Variants in AKAP13 observed in about 807,000 individuals in gnomAD.
AKAP13 encodes A-kinase anchoring protein 13.
A neutral mutation model predicts 264.5 loss-of-function variants in AKAP13; 80 were observed. The observed-to-expected ratio is 0.30, with a 90% CI of 0.25 to 0.36. The LOEUF is 0.36. Among genes scored for constraint, AKAP13 ranks in the 10% least tolerant of loss-of-function variants. The pLI, the probability that AKAP13 is intolerant of heterozygous loss-of-function variation, is 1.00. For synonymous variants in AKAP13, 1,380 were observed against 1,250.2 expected (o/e 1.10, Z -2.19); for missense variants, 3,712 against 3,435.2 (o/e 1.08, Z -2.01).
Position 85,415,423 on chromosome 15 carries a change from C to T in AKAP13, c.-12+34625C>T, listed in dbSNP as rs2072194681. ...AGCACTTTGAAAACAACACAGTTTTCTTGTACCCTGGGAGAGAAGTTTGAA... is the reference window on the plus strand; with the variant it reads ...AGCACTTTGAAAACAACACAGTTTTTTTGTACCCTGGGAGAGAAGTTTGAA... On this transcript the variant is annotated intron_variant, in intron 1 of 36. Transcript: ENST00000394518. 6.8e-6 allele frequency: 11 copies of T among 1,607,158 alleles called. No homozygotes were observed. The South Asian group carries it at 7.7e-5, about 11-fold the overall frequency.
intron 15 of AKAP13, among the ~76,000 whole-genome samples, chr15:85,684,086 C>CA (rs2084762799): frequency 1.1e-4 from 16 of 152,174 alleles, no homozygotes; most frequent in Admixed American, 1.0e-3. Flanking sequence ...CCTTGGTTTG[C>CA]AACTCCTATT....
chr15:85,521,702 A>C, intron 3 of AKAP13, 127 bp downstream of exon 3: 3 of 1,072,566 alleles, frequency 2.8e-6, no homozygotes, highest in Non-Finnish European at 2.5e-6. Context: ...TTAGTTTATA[A>C]AGCAGTTTGA....
chr15:85,626,424 A>G (rs1043085620), intron 8 of AKAP13, among the ~76,000 whole-genome samples: 2 of 151,582 alleles, frequency 1.3e-5, no homozygotes, highest in Admixed American at 6.6e-5. Flanking sequence ...TTTGCTTGCT[A>G]GTTTGGCAAC....
At chr15:85,508,829 G>A (rs79451548) in intron 2 of AKAP13, among the ~76,000 whole-genome samples, 14 of 152,020 alleles carry the variant, frequency 9.2e-5, no homozygotes, top group African/African-American at 3.4e-4. Context: ...CCTTGCACTC[G>A]ATATATTCCC....
At chr15:85,744,154 A>T (rs1473803249) in intron 36 of AKAP13, 2 of 337,534 alleles carry the variant, frequency 5.9e-6, no homozygotes, top group Admixed American at 4.6e-5. Flanking sequence ...GGTAACAGCT[A>T]GCATTTGGTG....
In AKAP13 at chr15:85,439,973, A is replaced by AT. The variant is rs201581309; in HGVS notation, c.-11-45737_-11-45736insT. The stretch of plus-strand genomic sequence containing the variant: ...TACCCTAAAACTTAAAGTATAATAA[A>AT]AAATAATAATAATAATAATAATAAA... On this transcript the variant is annotated intron_variant, in intron 1 of 36. Coordinates refer to ENST00000394518, the MANE Select transcript of AKAP13 (RefSeq NM_007200.5). 6.2e-3 allele frequency among the ~76,000 whole-genome samples: 818 copies of AT among 132,136 alleles called. 50 individuals carry two copies. The East Asian group carries it at 0.13, about 21-fold the overall frequency. The allele number at this position is 132,136 out of a possible 152,430, so 86.7% of individuals were successfully genotyped here.
intron 2 of AKAP13, among the ~76,000 whole-genome samples, chr15:85,509,538 A>T (rs916343982): frequency 6.6e-6 from 1 of 152,074 alleles, no homozygotes; most frequent in African/African-American, 2.4e-5. Flanking sequence ...ATAACATCAT[A>T]TATTTACGTT....
At chr15:85,505,928 C>A (rs1268238090) in intron 2 of AKAP13, among the ~76,000 whole-genome samples, 1 of 151,964 alleles carries the variant, frequency 6.6e-6, no homozygotes, top group Non-Finnish European at 1.5e-5. Flanking sequence ...TTTGGCATAC[C>A]CAGACCATTA....
chr15:85,470,771 G>A (rs1434193545), intron 1 of AKAP13, among the ~76,000 whole-genome samples: 2 of 152,200 alleles, frequency 1.3e-5, no homozygotes, highest in African/African-American at 2.4e-5. Flanking sequence ...AGTGCTTTAA[G>A]CATTGACAGT....
intron 26 of AKAP13, chr15:85,726,155 A>G (rs1471332032): frequency 5.0e-6 from 2 of 400,102 alleles, no homozygotes; most frequent in East Asian, 8.3e-5. Context: ...TCTAGGACTG[A>G]GTACTTAAAC....
intron 17 of AKAP13, among the ~76,000 whole-genome samples, chr15:85,695,116 G>A (rs1015883374): frequency 1.3e-5 from 2 of 152,082 alleles, no homozygotes; most frequent in African/African-American, 2.4e-5. Flanking sequence ...GTTTAAAAGT[G>A]TATTTGGGCC....
At chr15:85,614,516 A>T (rs894936821) in intron 8 of AKAP13, among the ~76,000 whole-genome samples, 1 of 152,204 alleles carries the variant, frequency 6.6e-6, no homozygotes, top group Non-Finnish European at 1.5e-5. Flanking sequence ...TAAAATTAAG[A>T]ATCACTTGGC....
At chr15:85,478,002 G>A (rs956581221) in intron 1 of AKAP13, among the ~76,000 whole-genome samples, 3 of 152,142 alleles carry the variant, frequency 2.0e-5, no homozygotes, top group South Asian at 4.1e-4. Context: ...TGTCCACTTG[G>A]TGGAACTTTC....
At chr15:85,537,174 A>AG (rs5814200) in intron 4 of AKAP13, among the ~76,000 whole-genome samples, 133,743 of 152,164 alleles carry the variant, frequency 0.88, 59,210 homozygotes, top group African/African-American at 0.95. Flanking sequence ...GGGTACAGTA[A>AG]GGGAGAGAAG....
intron 23 of AKAP13, 55 bp downstream of exon 23, chr15:85,719,381 T>C: frequency 1.3e-6 from 2 of 1,596,690 alleles, no homozygotes; most frequent in Non-Finnish European, 8.5e-7. Context: ...AGGGAAGTCA[T>C]GGGGTTCCAC....
At position 85,745,965 on chromosome 15, in the gene AKAP13, C is replaced by A; in HGVS notation, c.*1288C>A. 6.5e-6 allele frequency: 1 copy of A among 152,694 alleles called. No homozygotes were observed. The allele number at this position is 152,694 out of a possible 1,614,324, so 9.5% of individuals were successfully genotyped here. On this transcript the variant is annotated 3_prime_UTR_variant, in exon 37 of 37. Transcript: ENST00000394518. Reference sequence around the variant, plus strand: ...TGCCTGCTGCTCGGCTTTGCTTTTGCTTTTCCCACCGTGTTTTCATCTTTG... The same window carrying A: ...TGCCTGCTGCTCGGCTTTGCTTTTGATTTTCCCACCGTGTTTTCATCTTTG...
intron 4 of AKAP13, among the ~76,000 whole-genome samples, chr15:85,542,686 G>A (rs1304447383): frequency 1.3e-5 from 2 of 152,176 alleles, no homozygotes; most frequent in Non-Finnish European, 2.9e-5. Flanking sequence ...TGGCATCCCT[G>A]CAAAGACCTC....
intron 1 of AKAP13, among the ~76,000 whole-genome samples, chr15:85,433,117 GTTTTTTTTT>G (rs199655190): frequency 3.8e-4 from 20 of 53,228 alleles, no homozygotes; most frequent in Admixed American, 4.7e-4. Flanking sequence ...CTTCTGTACA[GTTTTTTTTT>G]TTTTTTTTTT....
chr15:85,739,008 TA>T (rs2151776677), intron 33 of AKAP13, among the ~76,000 whole-genome samples: 2 of 152,370 alleles, frequency 1.3e-5, no homozygotes, highest in East Asian at 3.9e-4. Context: ...TAATATGCAT[TA>T]AAAACATTTC....
Sources: allele counts gnomAD v4.1 joint callset (sites outside exome capture counted in the v4.1 genomes callset), GRCh38; gene constraint gnomAD v4.1.1; transcripts MANE v1.5; gene names NCBI Gene and HGNC (gene_info 2026-07-23, HGNC 2026-07-21).